BBIP1: variants seen among roughly 807,000 people sequenced by gnomAD.
The protein encoded by BBIP1 is BBSome interacting protein 1, also known as BBSome-interacting protein 1.
Under a neutral mutation model 8.9 loss-of-function variants are expected in BBIP1, and 6 were observed. That is an observed-to-expected ratio of 0.67 (90% CI 0.37 to 1.33). The LOEUF is 1.33. Ranked by LOEUF, BBIP1 falls within the 40% of genes most tolerant of loss-of-function variation. The pLI, the probability that BBIP1 is intolerant of heterozygous loss-of-function variation, is 0.02. For synonymous variants in BBIP1, 32 were observed against 33.4 expected (o/e 0.96, Z 0.14); for missense variants, 111 against 109.2 (o/e 1.02, Z -0.07).
At chr10:110,907,011 C>CT (rs930387266) in intron 2 of BBIP1, 2 of 152,246 alleles carry the variant, frequency 1.3e-5, no homozygotes, top group African/African-American at 4.8e-5. Flanking sequence ...TTAGGTATTC[C>CT]TTCAGTATTG....
chr10:110,906,928 T>C (rs1846158125), intron 2 of BBIP1: 1 of 152,258 alleles, frequency 6.6e-6, no homozygotes, highest in African/African-American at 2.4e-5. Flanking sequence ...TCTTTGAACT[T>C]ACGTTATATG....
chr10:110,903,728 G>A (rs780190603), intron 2 of BBIP1: 2 of 152,086 alleles, frequency 1.3e-5, no homozygotes, highest in Non-Finnish European at 2.9e-5. Flanking sequence ...AACCTAGATG[G>A]TATAGCCTCT....
intron 2 of BBIP1, 46 bp from the exon 3 acceptor site, chr10:110,901,658 G>A (rs1475991290): frequency 1.5e-6 from 2 of 1,332,522 alleles, no homozygotes; most frequent in East Asian, 5.0e-5. Context: ...TCCCAAAGCA[G>A]ACTGCCTGAG....
intron 2 of BBIP1, among the ~76,000 whole-genome samples, chr10:110,909,500 G>A (rs748866441): frequency 6.6e-6 from 1 of 152,186 alleles, no homozygotes; most frequent in Non-Finnish European, 1.5e-5. Context: ...GGCCAGAAAA[G>A]GTTGGCTCTT....
chr10:110,899,655 G>C lies in BBIP1; in HGVS notation c.*705C>G, dbSNP rs1845929413. On this transcript the variant is annotated 3_prime_UTR_variant, in exon 4 of 4. Transcript: ENST00000448814. ...TCTATTAAAAATACAAAAGTAGCCAGGCATGGTGGCGCATGCGTGTAATCC... is the reference window on the plus strand; with the variant it reads ...TCTATTAAAAATACAAAAGTAGCCACGCATGGTGGCGCATGCGTGTAATCC... The C allele has an allele frequency of 6.6e-6, 1 of 152,206 alleles. No homozygotes were observed. The highest frequency in any genetic ancestry group is 1.5e-5 in the Non-Finnish European group (1 of 68,092). The allele number at this position is 152,206 out of a possible 1,614,324, so 9.4% of individuals were successfully genotyped here. A position where few individuals can be genotyped will look rare whatever the true frequency, so the allele number is the denominator to read the frequency against.
intron 2 of BBIP1, among the ~76,000 whole-genome samples, chr10:110,910,128 A>T (rs1037521749): frequency 2.0e-5 from 3 of 152,242 alleles, no homozygotes; most frequent in African/African-American, 2.4e-5. Flanking sequence ...TCTGAAGAAG[A>T]ATTATTAAAC....
Position 110,907,408 on chromosome 10 carries a change from G to A in BBIP1, c.38-5796C>T, listed in dbSNP as rs1362198634. ...GTGTGCCTGTTAGTCTCAGCTACTC[G>A]GGAGGCTGAGGTGAGGGTACTGCTT... On this transcript the variant is annotated intron_variant, in intron 2 of 3. Coordinates refer to ENST00000448814, the MANE Select transcript of BBIP1 (RefSeq NM_001195305.3). 9 of 232,110 alleles carry A rather than the reference G, an allele frequency of 3.9e-5. No individual in the cohort carries two copies. In the East Asian group the frequency reaches 6.7e-4, roughly 17 times the overall value. The allele number at this position is 232,110 out of a possible 1,614,324, so 14.4% of individuals were successfully genotyped here.
rs2134011314 is a variant in BBIP1 at position 110,898,836 on chromosome 10, T to C, written c.*1524A>G. ...CATAAGGAAGCATATTTGAACCTAG[T>C]CAATTTAATCTTAGTGTTCCCTTGA... On this transcript the variant is annotated 3_prime_UTR_variant, in exon 4 of 4. Coordinates refer to ENST00000448814, the MANE Select transcript of BBIP1 (RefSeq NM_001195305.3). The C allele has an allele frequency of 6.5e-6, 1 of 152,714 alleles. No homozygotes were observed. Among genetic ancestry groups the C allele is most frequent in the African/African-American group, 2.4e-5 (1 of 41,562 alleles). The allele number at this position is 152,714 out of a possible 1,614,324, so 9.5% of individuals were successfully genotyped here. A position where few individuals can be genotyped will look rare whatever the true frequency, so the allele number is the denominator to read the frequency against.
At chr10:110,903,982 C>A (rs1772681975) in intron 2 of BBIP1, 1 of 152,206 alleles carries the variant, frequency 6.6e-6, no homozygotes, top group Admixed American at 6.5e-5. Flanking sequence ...TCTTATAGAA[C>A]CACTGTTGTA....
At chr10:110,900,836 TA>T (rs1252704192) in intron 3 of BBIP1, 4 of 281,468 alleles carry the variant, frequency 1.4e-5, no homozygotes, top group Middle Eastern at 1.1e-3. Flanking sequence ...TATATATACA[TA>T]GTGCAAAAAA....
At chr10:110,917,434 GGAGGAAT>G (rs1846437074) in intron 2 of BBIP1, among the ~76,000 whole-genome samples, 2 of 151,872 alleles carry the variant, frequency 1.3e-5, no homozygotes, top group Non-Finnish European at 2.9e-5. Flanking sequence ...GAAAAAGTGG[GGAGGAAT>G]GAAAAAAAAT....
chr10:110,915,773 A>G (rs1846388306), intron 2 of BBIP1, among the ~76,000 whole-genome samples: 1 of 151,982 alleles, frequency 6.6e-6, no homozygotes, highest in Non-Finnish European at 1.5e-5. Context: ...CTGCAATCTC[A>G]GCTCACTGCA....
intron 2 of BBIP1, among the ~76,000 whole-genome samples, chr10:110,913,546 C>A (rs1846326207): frequency 6.6e-6 from 1 of 152,162 alleles, no homozygotes; most frequent in African/African-American, 2.4e-5. Context: ...GATAATAAAG[C>A]AAACCTATTT....
chr10:110,900,812 G>C (rs1435458285), intron 3 of BBIP1: 2 of 311,418 alleles, frequency 6.4e-6, no homozygotes, highest in African/African-American at 4.4e-5. Context: ...CTTAAAATAA[G>C]ATTTGGCAGA....
At chr10:110,914,648 T>G (rs1846355428) in intron 2 of BBIP1, among the ~76,000 whole-genome samples, 1 of 152,238 alleles carries the variant, frequency 6.6e-6, no homozygotes, top group Admixed American at 6.5e-5. Flanking sequence ...TCTATTCTGC[T>G]TTGCTATCTG....
rs1474002742 is a variant in BBIP1, at chr10:110,900,261, T to C, written c.*99A>G. 1.1e-5 allele frequency: 12 copies of C among 1,132,834 alleles called. No homozygotes were observed. The highest frequency in any genetic ancestry group is 3.0e-4 in the Middle Eastern group (1 of 3,292). The allele number at this position is 1,132,834 out of a possible 1,614,324, so 70.2% of individuals were successfully genotyped here. A position where few individuals can be genotyped will look rare whatever the true frequency, so the allele number is the denominator to read the frequency against. ...ATTTCTATGAATACTATCAATTTTA[T>C]TGATAACACATACTACTTTCAGCAC... On this transcript the variant is annotated 3_prime_UTR_variant, in exon 4 of 4. Transcript: ENST00000448814.
At chr10:110,909,782 ATGT>A (rs1342700411) in intron 2 of BBIP1, among the ~76,000 whole-genome samples, 3 of 152,250 alleles carry the variant, frequency 2.0e-5, no homozygotes, top group Non-Finnish European at 2.9e-5. Flanking sequence ...CATGAGAATG[ATGT>A]TGTTTTAGGT....
intron 2 of BBIP1, chr10:110,907,533 AAAG>A (rs951982613): frequency 8.1e-6 from 4 of 494,520 alleles, no homozygotes; most frequent in African/African-American, 2.0e-5. Context: ...AAAAAAAAGA[AAAG>A]AAAAGAAAGA....
chr10:110,915,508 T>C (rs1846381964), intron 2 of BBIP1, among the ~76,000 whole-genome samples: 1 of 152,144 alleles, frequency 6.6e-6, no homozygotes, highest in Non-Finnish European at 1.5e-5. Flanking sequence ...CTGTCATAGA[T>C]TCATTCCTTC....
Sources: gnomAD v4.1 joint callset for allele counts (sites outside exome capture counted in the v4.1 genomes callset) on GRCh38, gnomAD v4.1.1 for gene constraint, MANE v1.5 for transcripts, NCBI Gene and HGNC (gene_info 2026-07-23, HGNC 2026-07-21) for gene names.